Variants in C10orf90 observed in about 807,000 individuals in gnomAD.
C10orf90 encodes the protein chromosome 10 open reading frame 90, also known as (E2-independent) E3 ubiquitin-conjugating enzyme FATS.
Under a neutral mutation model 62.5 loss-of-function variants are expected in C10orf90, and 56 were observed. The ratio of observed to expected loss-of-function variants is 0.90; its 90% CI spans 0.72 to 1.12. The LOEUF is 1.12. Among genes scored for constraint, C10orf90 ranks in the 50% most tolerant of loss-of-function variants. The probability of loss-of-function intolerance (pLI) is 0.00; values close to 1 mark genes in which losing one functional copy is unlikely to be tolerated. For missense variants in C10orf90, 970 were observed against 880.4 expected, an observed-to-expected ratio of 1.10 and a Z score of -1.29; for synonymous variants, 386 against 340.4, an observed-to-expected ratio of 1.13 and a Z score of -1.47.
At chr10:126,557,205 G>C (rs995886571) in intron 2 of C10orf90, among the ~76,000 whole-genome samples, 1 of 151,932 alleles carries the variant, frequency 6.6e-6, no homozygotes, top group South Asian at 2.1e-4. Context: ...AATGTGGCCG[G>C]GTGCGGTGGC....
intron 7 of C10orf90, among the ~76,000 whole-genome samples, chr10:126,432,041 C>G (rs1242910211): frequency 6.6e-6 from 1 of 152,168 alleles, no homozygotes; most frequent in Non-Finnish European, 1.5e-5. Flanking sequence ...CCCATACCCC[C>G]GGGGAAGTAT....
At chr10:126,617,588 C>A (rs558855204) in intron 2 of C10orf90, among the ~76,000 whole-genome samples, 3 of 152,236 alleles carry the variant, frequency 2.0e-5, no homozygotes, top group East Asian at 1.9e-4. Flanking sequence ...CACACAGACA[C>A]AAGGTGCCCC....
At chr10:126,508,956 G>A (rs938203938) in intron 3 of C10orf90, among the ~76,000 whole-genome samples, 7 of 152,242 alleles carry the variant, frequency 4.6e-5, no homozygotes, top group Non-Finnish European at 5.9e-5. Context: ...CTGACTACAC[G>A]TCTGGACCGA....
chr10:126,509,133 C>T (rs997424534), intron 3 of C10orf90, among the ~76,000 whole-genome samples: 3 of 152,134 alleles, frequency 2.0e-5, no homozygotes, highest in Admixed American at 6.5e-5. Context: ...CAAACGTGAC[C>T]GTGAGTTTTG....
chr10:126,443,270 A>T (rs1390419122), intron 7 of C10orf90, among the ~76,000 whole-genome samples: 1 of 152,142 alleles, frequency 6.6e-6, no homozygotes, highest in East Asian at 1.9e-4. Context: ...GACCATTAGC[A>T]AGACTAATCA....
intron 1 of C10orf90, among the ~76,000 whole-genome samples, chr10:126,660,180 G>A (rs1024226125): frequency 1.3e-5 from 2 of 152,200 alleles, no homozygotes; most frequent in Non-Finnish European, 2.9e-5. Flanking sequence ...TGTCTTTGAT[G>A]GTGAAAAGAT....
chr10:126,474,557 A>G (rs1043636302), intron 4 of C10orf90, among the ~76,000 whole-genome samples: 6 of 152,250 alleles, frequency 3.9e-5, no homozygotes, highest in East Asian at 1.9e-4. Context: ...CTTCTTAAAT[A>G]CCAAAACAAA....
At chr10:126,568,728 C>G (rs562668083) in intron 2 of C10orf90, among the ~76,000 whole-genome samples, 3 of 152,148 alleles carry the variant, frequency 2.0e-5, no homozygotes, top group Admixed American at 2.0e-4. Context: ...GACAGCCAGA[C>G]AGAGGTGCTT....
chr10:126,542,377 C>T (rs1831111586), intron 2 of C10orf90, among the ~76,000 whole-genome samples: 1 of 152,042 alleles, frequency 6.6e-6, no homozygotes, highest in Non-Finnish European at 1.5e-5. Flanking sequence ...GTGGCAGGCA[C>T]CTGTAATCCC....
intron 2 of C10orf90, among the ~76,000 whole-genome samples, chr10:126,597,768 T>G (rs1376726972): frequency 6.6e-6 from 1 of 152,206 alleles, no homozygotes; most frequent in African/African-American, 2.4e-5. Context: ...CTATTAAATT[T>G]CATCTTCTTA....
chr10:126,665,821 GAGAACT>G (rs1426523992), intron 1 of C10orf90, among the ~76,000 whole-genome samples: 28 of 152,304 alleles, frequency 1.8e-4, no homozygotes, highest in Admixed American at 1.4e-3. Context: ...TTAGGAAGAG[GAGAACT>G]GCAAAGGAGA....
intron 4 of C10orf90, chr10:126,496,587 C>T (rs1862068129): frequency 1.2e-6 from 1 of 868,100 alleles, no homozygotes; most frequent in Non-Finnish European, 1.4e-6. Context: ...GAGACATTTC[C>T]CCCGCCACCC....
At chr10:126,448,017 C>CTTTT (rs1186409126) in intron 7 of C10orf90, among the ~76,000 whole-genome samples, 18 of 79,220 alleles carry the variant, frequency 2.3e-4, no homozygotes, top group Non-Finnish European at 3.2e-4. Context: ...ATGCCTGGCT[C>CTTTT]TTTTTTTTTT....
At chr10:126,509,243 C>G (rs531494664) in intron 3 of C10orf90, among the ~76,000 whole-genome samples, 1 of 152,316 alleles carries the variant, frequency 6.6e-6, no homozygotes, top group Admixed American at 6.5e-5. Flanking sequence ...GTCAAGGTGA[C>G]ACTGCTCCTG....
At chr10:126,497,849 C>T (rs1328851365) in intron 4 of C10orf90, among the ~76,000 whole-genome samples, 4 of 152,156 alleles carry the variant, frequency 2.6e-5, no homozygotes, top group African/African-American at 9.7e-5. Context: ...CAAAAACAGG[C>T]AGCAGGCTGG....
chr10:126,476,908 CTTTTT>C (rs10590718), intron 4 of C10orf90, among the ~76,000 whole-genome samples: 7 of 120,798 alleles, frequency 5.8e-5, no homozygotes, highest in East Asian at 2.3e-4. Flanking sequence ...CACCATTTTC[CTTTTT>C]TTTTTTTTTT....
chr10:126,645,852 C>T (rs1846160328), intron 2 of C10orf90, among the ~76,000 whole-genome samples: 1 of 152,138 alleles, frequency 6.6e-6, no homozygotes, highest in African/African-American at 2.4e-5. Context: ...ATCTCATGCA[C>T]TTTTCATCTA....
At chr10:126,522,473 C>T (rs1027646889) in intron 2 of C10orf90, among the ~76,000 whole-genome samples, 21 of 152,208 alleles carry the variant, frequency 1.4e-4, no homozygotes, top group African/African-American at 4.3e-4. Flanking sequence ...TGCATAGTGG[C>T]TTTGTAAGCA....
intron 2 of C10orf90, among the ~76,000 whole-genome samples, chr10:126,517,825 G>A (rs1812099): frequency 0.89 from 134,081 of 150,774 alleles, 59,776 homozygotes; most frequent in African/African-American, 0.96. Context: ...CAGGAGAATC[G>A]CTTGAACCCA....
Sources: allele counts gnomAD v4.1 joint callset (sites outside exome capture counted in the v4.1 genomes callset), GRCh38; gene constraint gnomAD v4.1.1; transcripts MANE v1.5; gene names NCBI Gene and HGNC (gene_info 2026-07-23, HGNC 2026-07-21).